Variants in ZC3H11A observed in about 807,000 individuals in gnomAD.
ZC3H11A encodes zinc finger CCCH-type containing 11A.
A neutral mutation model predicts 90.8 loss-of-function variants in ZC3H11A; 22 were observed. The ratio of observed to expected loss-of-function variants is 0.24; its 90% CI spans 0.17 to 0.35. The LOEUF (loss-of-function observed/expected upper bound fraction) is 0.35, where lower values mean the gene tolerates loss of function less well. Among genes scored for constraint, ZC3H11A ranks in the 10% least tolerant of loss-of-function variants. ZC3H11A has a pLI of 1.00. For missense variants in ZC3H11A, 701 were observed against 964.9 expected, an observed-to-expected ratio of 0.73 and a Z score of 3.62; for synonymous variants, 294 against 339.8, an observed-to-expected ratio of 0.87 and a Z score of 1.48.
intron 2 of ZC3H11A, among the ~76,000 whole-genome samples, chr1:203,807,068 G>A (rs1019886527): frequency 5.9e-5 from 9 of 151,540 alleles, no homozygotes; most frequent in African/African-American, 2.2e-4. Flanking sequence ...TTTTTATTTA[G>A]AGATGGGGTC....
At chr1:203,827,064 G>A (rs1348129965) in intron 4 of ZC3H11A, among the ~76,000 whole-genome samples, 3 of 152,086 alleles carry the variant, frequency 2.0e-5, no homozygotes, top group African/African-American at 4.8e-5. Context: ...GGTATAGTAT[G>A]CACTCTTGTG....
intron 17 of ZC3H11A, 130 bp from the exon 18 acceptor site, chr1:203,852,011 A>C: frequency 1.5e-6 from 1 of 673,208 alleles, no homozygotes; most frequent in Non-Finnish European, 2.4e-6. Context: ...ATCCCAAATC[A>C]GTAAAAGAAT....
chr1:203,798,641 A>G, intron 1 of ZC3H11A: 2 of 1,536,142 alleles, frequency 1.3e-6, no homozygotes, highest in South Asian at 2.4e-5. Context: ...AACCTATGTT[A>G]GAGGTTGAAA....
At chr1:203,834,067 G>C in intron 10 of ZC3H11A, 1 of 1,221,800 alleles carries the variant, frequency 8.2e-7, no homozygotes, top group African/African-American at 1.6e-5. Context: ...TTATGACCAT[G>C]ACCAGCGTTT....
At chr1:203,843,409 G>A (rs982393539) in intron 12 of ZC3H11A, among the ~76,000 whole-genome samples, 1 of 152,074 alleles carries the variant, frequency 6.6e-6, no homozygotes, top group South Asian at 2.1e-4. Flanking sequence ...ATAGATGTTG[G>A]AACTTTGGGA....
In ZC3H11A at chr1:203,833,784, A is replaced by G. The variant is rs1162786726; in HGVS notation, c.812-7A>G. The stretch of plus-strand genomic sequence containing the variant: ...AGGATAGAGAAATTCTGCTTTTGCC[A>G]TTTCAGGAGAAGAACCCTTGGTTAG... On this transcript the variant is annotated splice_polypyrimidine_tract_variant and splice_region_variant and intron_variant, in intron 9 of 17. Transcript: ENST00000367210. 6.2e-7 allele frequency: 1 copy of G among 1,604,470 alleles called. No homozygotes were observed. Among genetic ancestry groups the G allele is most frequent in the Admixed American group, 1.7e-5 (1 of 57,760 alleles).
intron 1 of ZC3H11A, chr1:203,798,201 A>C (rs1669278882): frequency 6.5e-7 from 1 of 1,536,202 alleles, no homozygotes; most frequent in Non-Finnish European, 8.7e-7. Flanking sequence ...AGATGATAAT[A>C]GAATGGGCAA....
At chr1:203,830,080 A>G (rs778536229) in intron 7 of ZC3H11A, 43 bp from the exon 8 acceptor site, 1 of 1,496,400 alleles carries the variant, frequency 6.7e-7, no homozygotes, top group South Asian at 1.2e-5. Flanking sequence ...TACAAAGATG[A>G]AAAGGCTCCC....
chr1:203,818,820 A>G, intron 4 of ZC3H11A, 131 bp downstream of exon 4: 1 of 1,409,286 alleles, frequency 7.1e-7, no homozygotes, highest in Non-Finnish European at 9.5e-7. Flanking sequence ...CTGTAGTTCC[A>G]GCACTTTGGG....
chr1:203,800,312 C>A (rs377177501), intron 1 of ZC3H11A: 2 of 894,604 alleles, frequency 2.2e-6, no homozygotes, highest in Non-Finnish European at 3.6e-6. Flanking sequence ...CAAAACAGAT[C>A]ATGAGCCTGG....
intron 2 of ZC3H11A, among the ~76,000 whole-genome samples, chr1:203,809,768 A>C (rs1571986941): frequency 6.6e-6 from 1 of 152,092 alleles, no homozygotes; most frequent in South Asian, 2.1e-4. Context: ...AATCTGGCCA[A>C]CATGGTGAAA....
In ZC3H11A at chr1:203,797,986, A is replaced by G. The variant is rs1228367551; in HGVS notation, c.-1588+2192A>G. On this transcript the variant is annotated intron_variant, in intron 1 of 17. Coordinates refer to ENST00000367210, the MANE Select transcript of ZC3H11A (RefSeq NM_001376342.1). ...TGGCGGGCCATTTGTAACCTCTGTG[A>G]GAAAAGCGTCAGCAGGGGTAAACCA... 2.6e-6 allele frequency: 4 copies of G among 1,535,040 alleles called. No individual in the cohort carries two copies. The highest frequency in any genetic ancestry group is 3.9e-5 in the Admixed American group (2 of 51,004).
chr1:203,805,253 T>C (rs12410631), intron 2 of ZC3H11A, among the ~76,000 whole-genome samples: 7,188 of 150,948 alleles, frequency 0.048, 603 homozygotes, highest in East Asian at 0.4. Flanking sequence ...CCTGCTTCAG[T>C]CTCCCGAGAG....
intron 4 of ZC3H11A, among the ~76,000 whole-genome samples, chr1:203,822,005 C>T (rs1228022864): frequency 2.6e-5 from 4 of 152,102 alleles, no homozygotes; most frequent in Non-Finnish European, 5.9e-5. Flanking sequence ...GATCCGCCCG[C>T]CTTGGCCTCC....
intron 12 of ZC3H11A, among the ~76,000 whole-genome samples, chr1:203,842,608 G>T (rs1266066773): frequency 6.7e-6 from 1 of 148,858 alleles, no homozygotes; most frequent in South Asian, 2.1e-4. Flanking sequence ...GGGGAGAGGG[G>T]GAGGGGGAGG....
At chr1:203,810,149 GTTTTTTT>G (rs1315810818) in intron 2 of ZC3H11A, among the ~76,000 whole-genome samples, 10 of 144,492 alleles carry the variant, frequency 6.9e-5, no homozygotes, top group Admixed American at 2.1e-4. Context: ...TTTGTTTTTT[GTTTTTTT>G]TTTAAGAGAT....
intron 1 of ZC3H11A, chr1:203,800,420 G>T: frequency 7.5e-7 from 1 of 1,336,704 alleles, no homozygotes; most frequent in African/African-American, 1.5e-5. Context: ...ATCCTGAGCA[G>T]AATGAAGTTG....
At chr1:203,812,127 T>C (rs1460213857) in intron 2 of ZC3H11A, among the ~76,000 whole-genome samples, 1 of 152,144 alleles carries the variant, frequency 6.6e-6, no homozygotes, top group Non-Finnish European at 1.5e-5. Context: ...TTAACTTTCA[T>C]TTTAAATTCA....
At chr1:203,822,373 CT>C (rs1332437854) in intron 4 of ZC3H11A, among the ~76,000 whole-genome samples, 1 of 151,968 alleles carries the variant, frequency 6.6e-6, no homozygotes, top group Non-Finnish European at 1.5e-5. Context: ...TCCCTGCTTG[CT>C]TTACCATAGG....
Sources: allele counts gnomAD v4.1 joint callset (sites outside exome capture counted in the v4.1 genomes callset), GRCh38; gene constraint gnomAD v4.1.1; transcripts MANE v1.5; gene names NCBI Gene and HGNC (gene_info 2026-07-23, HGNC 2026-07-21).